RBFOX2: variants seen among roughly 807,000 people sequenced by gnomAD.
RBFOX2 encodes RNA binding fox-1 homolog 2.
RBFOX2 carries 10 observed loss-of-function variants against 49.1 expected under a neutral mutation model. The observed-to-expected ratio is 0.20, with a 90% CI of 0.13 to 0.35. The LOEUF is 0.35. RBFOX2 is among the 10% of genes least tolerant of loss of function. RBFOX2 has a pLI of 1.00. For synonymous variants in RBFOX2, 183 were observed against 187.4 expected (o/e 0.98, Z 0.19); for missense variants, 323 against 486.9 (o/e 0.66, Z 3.17).
At chr22:35,750,560 C>T in intron 9 of RBFOX2, 1 of 768,358 alleles carries the variant, frequency 1.3e-6, no homozygotes, top group Admixed American at 2.2e-5. Context: ...ACTCTGATAG[C>T]TGGATAAATT....
chr22:35,978,472 G>C (rs1025605520), intron 1 of RBFOX2, among the ~76,000 whole-genome samples: 2 of 152,182 alleles, frequency 1.3e-5, no homozygotes, highest in African/African-American at 4.8e-5. Context: ...CCACCACCCA[G>C]ATGTTGGTTT....
chr22:36,028,553 T>TGCGC (rs1241163442), exon 1 of RBFOX2: 1 of 861,974 alleles, frequency 1.2e-6, no homozygotes, highest in Non-Finnish European at 1.4e-6. Flanking sequence ...CGTGCGTGCG[T>TGCGC]GCGCGCGAGC....
chr22:35,984,149 A>G (rs2057592815), intron 1 of RBFOX2, among the ~76,000 whole-genome samples: 1 of 152,120 alleles, frequency 6.6e-6, no homozygotes, highest in South Asian at 2.1e-4. Flanking sequence ...CCCTAGGCCA[A>G]TGGTTCTCAA....
intron 1 of RBFOX2, 91 bp downstream of exon 1, chr22:36,028,149 G>A: frequency 7.6e-7 from 1 of 1,317,454 alleles, no homozygotes; most frequent in Non-Finnish European, 9.7e-7. Flanking sequence ...CAGGACTCCC[G>A]GAGGCCCTCC....
In RBFOX2 at chr22:35,829,383, AACATGCTAAGAG is replaced by A. The variant is rs1386910703; in HGVS notation, c.27+10797_27+10808del. ...TTCAAGATAAAAAAGGAAAAAAATG[AACATGCTAAGAG>A]ACATGAGAGGTGTGAAAAAGACCTA... On this transcript the variant is annotated intron_variant, in intron 1 of 11. Transcript: ENST00000405409. Among the ~76,000 whole-genome samples, 7 of 152,298 alleles carry A rather than the reference AACATGCTAAGAG, an allele frequency of 4.6e-5. No individual in the cohort carries two copies. In the East Asian group the frequency reaches 1.4e-3, roughly 29 times the overall value.
chr22:35,778,278 G>T (rs1944383598), intron 3 of RBFOX2, among the ~76,000 whole-genome samples, 200 bp from the exon 5 acceptor site: 1 of 152,214 alleles, frequency 6.6e-6, no homozygotes, highest in Non-Finnish European at 1.5e-5. Flanking sequence ...CCACCTGTGT[G>T]TGTGGAAGCT....
At chr22:35,888,718 C>A (rs2046899476) in intron 1 of RBFOX2, among the ~76,000 whole-genome samples, 1 of 152,204 alleles carries the variant, frequency 6.6e-6, no homozygotes, top group African/African-American at 2.4e-5. Context: ...CAAAATAACC[C>A]TTGCTAAAGT....
intron 1 of RBFOX2, among the ~76,000 whole-genome samples, chr22:35,836,960 A>C (rs940349382): frequency 6.6e-6 from 1 of 152,226 alleles, no homozygotes; most frequent in Non-Finnish European, 1.5e-5. Flanking sequence ...CTATATGCCC[A>C]AAAAATAAGA....
intron 1 of RBFOX2, chr22:35,999,381 C>CAAAAAAAAAAA (rs35407131): frequency 1.7e-5 from 1 of 57,312 alleles, no homozygotes. Context: ...CCTGTCTCTA[C>CAAAAAAAAAAA]AAAAAAAAAA....
rs191917354 is a variant in RBFOX2, at chr22:35,835,114, C to A, written c.27+5078G>T. 2.3e-4 allele frequency among the ~76,000 whole-genome samples: 35 copies of A among 152,126 alleles called. No individual in the cohort carries two copies. In the South Asian group the frequency reaches 6.9e-3, roughly 30 times the overall value. On this transcript the variant is annotated intron_variant, in intron 1 of 11. Coordinates refer to ENST00000405409, the Ensembl canonical transcript of RBFOX2. ...AGCAAAGTATTTACTGCAGGGGAGC[C>A]TTGTATTTGTGCCTGGCAAATTTCA...
At chr22:36,028,458 G>A (rs2059536426) in exon 1 of RBFOX2, 1 of 1,166,982 alleles carries the variant, frequency 8.6e-7, no homozygotes, top group Non-Finnish European at 1.1e-6. Flanking sequence ...CGGGAGCCGG[G>A]CGACCCGCGA....
intron 10 of RBFOX2, 149 bp from the exon 13 acceptor site, chr22:35,746,144 C>T: frequency 1.4e-6 from 1 of 732,710 alleles, no homozygotes. Context: ...AAAAACCTTT[C>T]TATTTCTACT....
intron 1 of RBFOX2, among the ~76,000 whole-genome samples, chr22:35,899,946 C>A (rs745948974): frequency 6.6e-6 from 1 of 152,178 alleles, no homozygotes; most frequent in African/African-American, 2.4e-5. Context: ...AAAGAAAAAT[C>A]AGATAATCTG....
chr22:35,881,665 A>G (rs1282254991), intron 1 of RBFOX2, among the ~76,000 whole-genome samples: 3 of 151,358 alleles, frequency 2.0e-5, no homozygotes, highest in Admixed American at 6.6e-5. Context: ...TTTCTTAATT[A>G]TAAGAAAACT....
intron 1 of RBFOX2, among the ~76,000 whole-genome samples, chr22:35,951,362 C>G (rs548120636): frequency 6.6e-6 from 1 of 150,940 alleles, no homozygotes; most frequent in Non-Finnish European, 1.5e-5. Flanking sequence ...TCTCCTGCCT[C>G]AGCCTCCTGA....
intron 2 of RBFOX2, among the ~76,000 whole-genome samples, chr22:35,806,746 A>G (rs1950814167): frequency 6.6e-6 from 1 of 152,242 alleles, no homozygotes; most frequent in Admixed American, 6.5e-5. Flanking sequence ...AAATGCTCCA[A>G]TAAAAAGACA....
At chr22:35,982,853 G>A (rs569504163) in intron 1 of RBFOX2, among the ~76,000 whole-genome samples, 2 of 149,392 alleles carry the variant, frequency 1.3e-5, no homozygotes, top group East Asian at 3.9e-4. Context: ...AAGCAAAACA[G>A]CAACAAGAGA....
At chr22:35,850,899 T>C (rs1276054829) in intron 1 of RBFOX2, among the ~76,000 whole-genome samples, 2 of 152,192 alleles carry the variant, frequency 1.3e-5, no homozygotes, top group East Asian at 3.8e-4. Context: ...ATCTTCTATT[T>C]GGAACAAGCA....
rs369336247 is a variant in RBFOX2, at chr22:35,854,166, T to C, written c.-33-44162A>G. Among the ~76,000 whole-genome samples the C allele has an allele frequency of 6.2e-4, 95 of 152,226 alleles. No homozygotes were observed. In the South Asian group the frequency reaches 8.9e-3, roughly 14 times the overall value. On this transcript the variant is annotated intron_variant, in intron 1 of 13. Transcript: ENST00000359369. ...GGCGGAGGTTGCAGTGAGCCGAGAC[T>C]GTGCCACTGCACTCCAGCCTGGGCA... is the stretch of plus-strand genomic sequence containing the variant.
Sources: allele counts gnomAD v4.1 joint callset (sites outside exome capture counted in the v4.1 genomes callset), GRCh38; gene constraint gnomAD v4.1.1; transcripts MANE v1.5; gene names NCBI Gene and HGNC (gene_info 2026-07-23, HGNC 2026-07-21).